The following MTX2 variants were observed in gnomAD, a reference collection of about 807,000 sequenced individuals.
MTX2 encodes the protein metaxin-2.
In MTX2, 35 loss-of-function variants were observed where a neutral mutation model predicts 42.3. The observed-to-expected ratio is 0.83, with a 90% confidence interval of 0.63 to 1.10. The LOEUF is 1.10. MTX2 is among the 50% of genes least tolerant of loss of function. MTX2 has a pLI of 0.00. For missense variants in MTX2, 307 were observed against 304.1 expected, an observed-to-expected ratio of 1.01 and a Z score of -0.07; for synonymous variants, 119 against 100.9, an observed-to-expected ratio of 1.18 and a Z score of -1.08.
chr2:176,269,742 GCTTTC>G, intron 1 of MTX2, 73 bp downstream of exon 1: 2 of 1,497,456 alleles, frequency 1.3e-6, no homozygotes, highest in Non-Finnish European at 1.8e-6. Context: ...CAGGGCTGGA[GCTTTC>G]CTCCAGCCTT....
chr2:176,293,727 C>T (rs1244801443), intron 1 of MTX2, among the ~76,000 whole-genome samples: 3 of 152,118 alleles, frequency 2.0e-5, no homozygotes, highest in Non-Finnish European at 4.4e-5. Context: ...AACCATGAGC[C>T]AAAATAAACT....
At chr2:176,292,616 G>A (rs1693354048) in intron 1 of MTX2, among the ~76,000 whole-genome samples, 1 of 152,124 alleles carries the variant, frequency 6.6e-6, no homozygotes, top group Admixed American at 6.5e-5. Context: ...ATTTACATAT[G>A]AAGACAGTTA....
intron 3 of MTX2, among the ~76,000 whole-genome samples, chr2:176,301,714 A>G (rs533928355): frequency 2.6e-4 from 39 of 152,330 alleles, no homozygotes; most frequent in African/African-American, 8.7e-4. Context: ...ACCTAACAAT[A>G]AGTGATCATT....
At chr2:176,289,096 G>A (rs1693271190) in intron 1 of MTX2, among the ~76,000 whole-genome samples, 1 of 149,622 alleles carries the variant, frequency 6.7e-6, no homozygotes, top group East Asian at 1.9e-4. Flanking sequence ...AAATGATAAT[G>A]GATTAATAGT....
chr2:176,285,292 G>T (rs983613375), intron 1 of MTX2, among the ~76,000 whole-genome samples: 1 of 152,008 alleles, frequency 6.6e-6, no homozygotes, highest in Non-Finnish European at 1.5e-5. Context: ...TACATGTACA[G>T]TAAGTGCAAT....
At chr2:176,282,370 G>A (rs890201380) in intron 1 of MTX2, among the ~76,000 whole-genome samples, 2 of 151,922 alleles carry the variant, frequency 1.3e-5, no homozygotes, top group Admixed American at 1.3e-4. Context: ...CTGCACAGAG[G>A]CATCTAGTTT....
intron 3 of MTX2, among the ~76,000 whole-genome samples, chr2:176,318,163 G>T (rs1234669220): frequency 1.3e-5 from 2 of 151,702 alleles, no homozygotes; most frequent in African/African-American, 2.4e-5. Context: ...TATTTTAATA[G>T]ATTTTTTTTT....
intron 9 of MTX2, among the ~76,000 whole-genome samples, chr2:176,335,045 CA>C (rs35418677): frequency 8.1e-5 from 12 of 148,968 alleles, no homozygotes; most frequent in Admixed American, 4.7e-4. Context: ...GCACAATAAG[CA>C]AAAAAAAAAT....
intron 5 of MTX2, among the ~76,000 whole-genome samples, chr2:176,327,168 T>C (rs990429086): frequency 1.3e-5 from 2 of 151,284 alleles, no homozygotes; most frequent in African/African-American, 4.8e-5. Flanking sequence ...TACAAAATGG[T>C]AGATAATTTT....
At chr2:176,321,349 T>G (rs1299856555) in intron 3 of MTX2, among the ~76,000 whole-genome samples, 1 of 152,122 alleles carries the variant, frequency 6.6e-6, no homozygotes, top group Admixed American at 6.6e-5. Context: ...GACCGTTAGT[T>G]TCCACTTAAA....
chr2:176,322,860 G>C (rs1177831607), intron 3 of MTX2, among the ~76,000 whole-genome samples: 1 of 151,776 alleles, frequency 6.6e-6, no homozygotes, highest in Non-Finnish European at 1.5e-5. Context: ...TATGAGCAAA[G>C]ATAAACAATT....
At chr2:176,324,911 G>T (rs756984233) in intron 4 of MTX2, among the ~76,000 whole-genome samples, 2 of 151,524 alleles carry the variant, frequency 1.3e-5, no homozygotes, top group African/African-American at 4.8e-5. Flanking sequence ...GAGGTGATAG[G>T]GAAATGTTTT....
chr2:176,312,292 C>A (rs1000142252), intron 3 of MTX2, among the ~76,000 whole-genome samples: 10 of 152,046 alleles, frequency 6.6e-5, no homozygotes, highest in African/African-American at 1.9e-4. Flanking sequence ...ATGGCTTGTT[C>A]ATTAAGCAAA....
intron 8 of MTX2, 41 bp downstream of exon 8, chr2:176,329,467 G>A: frequency 6.5e-7 from 1 of 1,549,678 alleles, no homozygotes; most frequent in Non-Finnish European, 8.7e-7. Context: ...CAACTTTTAT[G>A]CATTAAAAGA....
intron 1 of MTX2, among the ~76,000 whole-genome samples, chr2:176,273,393 A>G (rs1206262912): frequency 2.0e-5 from 3 of 152,200 alleles, no homozygotes; most frequent in Non-Finnish European, 2.9e-5. Flanking sequence ...CTGGTAGTAC[A>G]GGTTGGAGTT....
chr2:176,272,354 G>A (rs1326735833), intron 1 of MTX2, among the ~76,000 whole-genome samples: 1 of 152,096 alleles, frequency 6.6e-6, no homozygotes, highest in Non-Finnish European at 1.5e-5. Flanking sequence ...TGCACTGCAA[G>A]GTGACCACAG....
At chr2:176,330,804 C>T (rs1684845532) in intron 9 of MTX2, 144 bp downstream of exon 9, 1 of 602,910 alleles carries the variant, frequency 1.7e-6, no homozygotes, top group Non-Finnish European at 3.0e-6. Context: ...GCACTTTACT[C>T]TCAGGCACAG....
intron 8 of MTX2, 115 bp downstream of exon 8, chr2:176,329,541 C>A: frequency 9.3e-7 from 1 of 1,080,498 alleles, no homozygotes; most frequent in Non-Finnish European, 1.3e-6. Context: ...AAACCATTTC[C>A]TGTGATTTTC....
intron 3 of MTX2, among the ~76,000 whole-genome samples, chr2:176,320,695 C>CT (rs34174289): frequency 0.022 from 2,922 of 131,872 alleles, 55 homozygotes; most frequent in Middle Eastern, 0.034. Context: ...TTTACTTATT[C>CT]TTTTTTTTTT....
Sources: gnomAD v4.1 joint callset for allele counts (sites outside exome capture counted in the v4.1 genomes callset) on GRCh38, gnomAD v4.1.1 for gene constraint, MANE v1.5 for transcripts, NCBI Gene and HGNC (gene_info 2026-07-23, HGNC 2026-07-21) for gene names.